SIPA1L1: variants seen among roughly 807,000 people sequenced by gnomAD.
SIPA1L1 encodes the protein signal induced proliferation associated 1 like 1, also known as signal-induced proliferation-associated 1-like protein 1.
SIPA1L1 carries 26 observed loss-of-function variants against 162.7 expected under a neutral mutation model. The ratio of observed to expected loss-of-function variants is 0.16; its 90% confidence interval spans 0.12 to 0.22. The LOEUF (loss-of-function observed/expected upper bound fraction) is 0.22. Ranked by LOEUF, SIPA1L1 falls within the 10% of genes least tolerant of loss-of-function variation. The pLI, the probability that SIPA1L1 is intolerant of heterozygous loss-of-function variation, is 1.00. For synonymous variants in SIPA1L1, 829 were observed against 837.4 expected (o/e 0.99, Z 0.17); for missense variants, 1,874 against 2,241.0 (o/e 0.84, Z 3.31).
At chr14:71,390,960 A>G (rs1054915813) in intron 2 of SIPA1L1, among the ~76,000 whole-genome samples, 1 of 152,078 alleles carries the variant, frequency 6.6e-6, no homozygotes, top group Non-Finnish European at 1.5e-5. Context: ...ATTTTTAAAT[A>G]TATGTATCTA....
chr14:71,393,115 C>T (rs561619124), intron 2 of SIPA1L1, among the ~76,000 whole-genome samples: 1 of 152,162 alleles, frequency 6.6e-6, no homozygotes, highest in African/African-American at 2.4e-5. Context: ...TCTTGACTCC[C>T]TTATTAAATA....
intron 2 of SIPA1L1, among the ~76,000 whole-genome samples, chr14:71,426,486 CT>C (rs370856446): frequency 3.0e-3 from 399 of 131,964 alleles, no homozygotes; most frequent in East Asian, 0.01. Flanking sequence ...GAATTTCTTT[CT>C]TTTTTTTTTT....
At chr14:71,458,971 C>G (rs1180702799) in intron 2 of SIPA1L1, among the ~76,000 whole-genome samples, 2 of 151,570 alleles carry the variant, frequency 1.3e-5, no homozygotes, top group Admixed American at 6.6e-5. Context: ...TACTTGGAGG[C>G]TGAGGCAGGA....
At chr14:71,658,892 C>T (rs2043284156) in intron 9 of SIPA1L1, among the ~76,000 whole-genome samples, 1 of 152,186 alleles carries the variant, frequency 6.6e-6, no homozygotes, top group South Asian at 2.1e-4. Context: ...GAATGATATT[C>T]TTCCTTACCA....
At chr14:71,693,017 C>T (rs1202988079) in intron 13 of SIPA1L1, among the ~76,000 whole-genome samples, 1 of 152,134 alleles carries the variant, frequency 6.6e-6, no homozygotes, top group African/African-American at 2.4e-5. Flanking sequence ...CTCTTAGAGT[C>T]TGTGAAGATT....
At chr14:71,426,763 A>T (rs933279309) in intron 2 of SIPA1L1, among the ~76,000 whole-genome samples, 1 of 152,172 alleles carries the variant, frequency 6.6e-6, no homozygotes, top group Admixed American at 6.5e-5. Flanking sequence ...AAGTGCTGGG[A>T]TTACAGTTGT....
At chr14:71,635,693 TAAATG>T (rs2041071762) in intron 7 of SIPA1L1, among the ~76,000 whole-genome samples, 1 of 152,028 alleles carries the variant, frequency 6.6e-6, no homozygotes, top group Non-Finnish European at 1.5e-5. Flanking sequence ...AAAGATAAAA[TAAATG>T]AAAGATAAAA....
chr14:71,426,479 T>A (rs1480426882), intron 2 of SIPA1L1, among the ~76,000 whole-genome samples: 1 of 140,188 alleles, frequency 7.1e-6, no homozygotes, highest in African/African-American at 2.6e-5. Flanking sequence ...CTAATTTGAA[T>A]TTCTTTCTTT....
At chr14:71,658,304 T>G in intron 8 of SIPA1L1, 29 bp from the exon 9 acceptor site, 2 of 1,053,760 alleles carry the variant, frequency 1.9e-6, no homozygotes, top group Non-Finnish European at 3.0e-6. Flanking sequence ...GTTATAGTCA[T>G]CTCATCATTA....
chr14:71,658,492 C>T (rs1003909947), intron 9 of SIPA1L1, 56 bp downstream of exon 9: 1 of 1,124,194 alleles, frequency 8.9e-7, no homozygotes, highest in African/African-American at 1.5e-5. Flanking sequence ...CCTCTAGAAG[C>T]CTAAGTGGCA....
intron 2 of SIPA1L1, among the ~76,000 whole-genome samples, chr14:71,335,983 G>A (rs2035050951): frequency 6.6e-6 from 1 of 152,198 alleles, no homozygotes; most frequent in African/African-American, 2.4e-5. Context: ...ATTTAAAGGG[G>A]ATCTATATGT....
chr14:71,465,335 G>T (rs2046914052), intron 2 of SIPA1L1, among the ~76,000 whole-genome samples: 1 of 152,214 alleles, frequency 6.6e-6, no homozygotes, highest in Non-Finnish European at 1.5e-5. Context: ...AATCTTAGCA[G>T]ATTTGAGGCT....
chr14:71,437,200 T>TA (rs997469540), intron 2 of SIPA1L1, among the ~76,000 whole-genome samples: 5 of 152,098 alleles, frequency 3.3e-5, no homozygotes, highest in African/African-American at 7.2e-5. Flanking sequence ...CATCTGCTTT[T>TA]AAAAAAAAGT....
intron 4 of SIPA1L1, among the ~76,000 whole-genome samples, chr14:71,550,882 C>G (rs1459119567): frequency 6.6e-6 from 1 of 152,118 alleles, no homozygotes; most frequent in South Asian, 2.1e-4. Context: ...GAGATTCTAT[C>G]TCTACAAAAA....
At chr14:71,608,430 C>G (rs1037033833) in intron 5 of SIPA1L1, among the ~76,000 whole-genome samples, 3 of 152,072 alleles carry the variant, frequency 2.0e-5, no homozygotes, top group Non-Finnish European at 4.4e-5. Flanking sequence ...CATTTACATA[C>G]AAGTGTTTCA....
chr14:71,421,913 G>A (rs8008110), intron 2 of SIPA1L1, among the ~76,000 whole-genome samples: 33,922 of 152,140 alleles, frequency 0.22, 4,924 homozygotes, highest in Non-Finnish European at 0.31. Flanking sequence ...GAGATTTACC[G>A]CAAGAAGGGG....
chr14:71,733,923 G>A (rs2152847887), intron 21 of SIPA1L1, 111 bp downstream of exon 21: 1 of 1,169,706 alleles, frequency 8.5e-7, no homozygotes, highest in East Asian at 2.6e-5. Flanking sequence ...CTCACCAGAT[G>A]AGCTATCAGT....
intron 2 of SIPA1L1, among the ~76,000 whole-genome samples, chr14:71,357,111 G>A (rs1439782172): frequency 6.6e-6 from 1 of 152,156 alleles, no homozygotes; most frequent in Non-Finnish European, 1.5e-5. Flanking sequence ...GGGAAGTGCA[G>A]TGGCGTGATC....
intron 2 of SIPA1L1, among the ~76,000 whole-genome samples, chr14:71,390,795 A>G (rs902208159): frequency 3.9e-5 from 6 of 152,030 alleles, no homozygotes; most frequent in Non-Finnish European, 5.9e-5. Flanking sequence ...AAAAAAACAA[A>G]AGCAAAAACA....
Sources: allele counts gnomAD v4.1 joint callset (sites outside exome capture counted in the v4.1 genomes callset), GRCh38; gene constraint gnomAD v4.1.1; transcripts MANE v1.5; gene names NCBI Gene and HGNC (gene_info 2026-07-23, HGNC 2026-07-21).